Variants in RBFOX1 observed in about 807,000 individuals in gnomAD.
The protein encoded by RBFOX1 is RNA binding fox-1 homolog 1, also known as RNA binding protein fox-1 homolog 1.
RBFOX1 carries 8 observed loss-of-function variants against 57.7 expected under a neutral mutation model. The observed-to-expected ratio is 0.14, with a 90% confidence interval of 0.08 to 0.25. RBFOX1 has a LOEUF of 0.25. RBFOX1 is among the 10% of genes least tolerant of loss of function. The probability of loss-of-function intolerance (pLI) is 1.00; values close to 1 mark genes in which losing one functional copy is unlikely to be tolerated. For synonymous variants in RBFOX1, 326 were observed against 222.4 expected, an observed-to-expected ratio of 1.47 and a Z score of -4.15; for missense variants, 611 against 548.5, an observed-to-expected ratio of 1.11 and a Z score of -1.14.
intron 5 of RBFOX1, among the ~76,000 whole-genome samples, chr16:7,537,218 G>A (rs2081685116): frequency 6.6e-6 from 1 of 152,244 alleles, no homozygotes; most frequent in Non-Finnish European, 1.5e-5. Flanking sequence ...GATGAGAGAT[G>A]TTGATAGGAA....
rs367626244 is a variant in RBFOX1, at chr16:7,419,925, C to CTTTTTTTTTTTTTTTTTT, written c.28-98220_28-98203dup. On this transcript the variant is annotated intron_variant, in intron 4 of 15. Transcript: ENST00000550418. The stretch of plus-strand genomic sequence containing the variant: ...AAGGATCTGTTTTCTTTCTTTCTTC[C>CTTTTTTTTTTTTTTTTTT]TTTTTTTTTTTTTTTTTTTAATTGT... Among the ~76,000 whole-genome samples the CTTTTTTTTTTTTTTTTTT allele has an allele frequency of 2.9e-5, 3 of 101,722 alleles. 1 individual carries two copies. Among genetic ancestry groups the CTTTTTTTTTTTTTTTTTT allele is most frequent in the Non-Finnish European group, 3.8e-5 (2 of 52,780 alleles). The allele number at this position is 101,722 out of a possible 152,430, so 66.7% of individuals were successfully genotyped here. A position where few individuals can be genotyped will look rare whatever the true frequency, so the allele number is the denominator to read the frequency against.
intron 4 of RBFOX1, among the ~76,000 whole-genome samples, chr16:7,107,491 G>A (rs1307241220): frequency 6.6e-6 from 1 of 152,058 alleles, no homozygotes; most frequent in African/African-American, 2.4e-5. Context: ...ATTGAGGAAG[G>A]ATTAACTGTA....
intron 4 of RBFOX1, among the ~76,000 whole-genome samples, chr16:7,214,095 C>T (rs2091625256): frequency 6.7e-6 from 1 of 148,636 alleles, no homozygotes; most frequent in Admixed American, 6.7e-5. Flanking sequence ...AAAATTTTTC[C>T]ACTTCTTTCC....
intron 3 of RBFOX1, among the ~76,000 whole-genome samples, chr16:6,738,077 C>A (rs566965263): frequency 1.7e-5 from 2 of 114,802 alleles, no homozygotes. Flanking sequence ...TGCGGTAATT[C>A]TTAAAAAAAA....
intron 3 of RBFOX1, among the ~76,000 whole-genome samples, chr16:6,925,187 G>A (rs1446107780): frequency 8.7e-6 from 1 of 115,476 alleles, no homozygotes; most frequent in Admixed American, 1.2e-4. Flanking sequence ...AGACTGGAGT[G>A]CAGTGGTATG....
At chr16:7,056,771 C>G (rs1222511546) in intron 4 of RBFOX1, among the ~76,000 whole-genome samples, 9 of 152,090 alleles carry the variant, frequency 5.9e-5, no homozygotes, top group Admixed American at 5.2e-4. Flanking sequence ...AGTTAGAAAA[C>G]TACTAGGTAG....
At chr16:7,418,319 C>A (rs979599726) in intron 4 of RBFOX1, among the ~76,000 whole-genome samples, 6 of 152,218 alleles carry the variant, frequency 3.9e-5, no homozygotes, top group African/African-American at 1.4e-4. Flanking sequence ...GAGTGGGGGA[C>A]TTCATGCCCA....
At chr16:6,863,017 T>G (rs2059290629) in intron 3 of RBFOX1, among the ~76,000 whole-genome samples, 1 of 151,602 alleles carries the variant, frequency 6.6e-6, no homozygotes, top group East Asian at 1.9e-4. Context: ...CCGCAGCTGA[T>G]TTTTGAAGGA....
chr16:7,005,483 G>A (rs1053202062), intron 3 of RBFOX1, among the ~76,000 whole-genome samples: 2 of 152,180 alleles, frequency 1.3e-5, no homozygotes, highest in Non-Finnish European at 1.5e-5. Flanking sequence ...TGGGGAGAAG[G>A]AACCCAGTAA....
chr16:5,425,579 C>T (rs2067534652), intron 1 of RBFOX1, among the ~76,000 whole-genome samples: 1 of 152,298 alleles, frequency 6.6e-6, no homozygotes, highest in Non-Finnish European at 1.5e-5. Context: ...CCCCTCCTTT[C>T]TTGTGGATTC....
chr16:7,461,402 G>C (rs973648374), intron 4 of RBFOX1, among the ~76,000 whole-genome samples: 2 of 152,094 alleles, frequency 1.3e-5, no homozygotes, highest in African/African-American at 4.8e-5. Context: ...TGTTGACCTC[G>C]TGATCCGCTC....
intron 1 of RBFOX1, among the ~76,000 whole-genome samples, chr16:6,042,655 G>C (rs986767971): frequency 1.3e-5 from 2 of 152,160 alleles, no homozygotes; most frequent in African/African-American, 4.8e-5. Context: ...ACCATGGCCT[G>C]GGAAACAGTC....
intron 1 of RBFOX1, among the ~76,000 whole-genome samples, chr16:6,024,871 A>C (rs1346139205): frequency 6.6e-6 from 1 of 152,218 alleles, no homozygotes; most frequent in African/African-American, 2.4e-5. Flanking sequence ...TCAAGTGCAG[A>C]GTGATCAATA....
intron 2 of RBFOX1, among the ~76,000 whole-genome samples, chr16:5,528,063 C>T (rs1464456366): frequency 6.6e-6 from 1 of 152,154 alleles, no homozygotes; most frequent in Non-Finnish European, 1.5e-5. Flanking sequence ...CACCTATTTA[C>T]TGCATGGATT....
intron 3 of RBFOX1, among the ~76,000 whole-genome samples, chr16:6,665,541 C>G (rs185196886): frequency 6.6e-6 from 1 of 151,734 alleles, no homozygotes; most frequent in East Asian, 1.9e-4. Context: ...AGGAGAATCA[C>G]TTAAACCTGG....
At chr16:5,661,500 C>T (rs905955917) in intron 3 of RBFOX1, among the ~76,000 whole-genome samples, 1 of 152,098 alleles carries the variant, frequency 6.6e-6, no homozygotes, top group Non-Finnish European at 1.5e-5. Context: ...CCAGATTTTC[C>T]CAGTTGTCTC....
At chr16:5,446,850 G>C (rs1476335144) in intron 1 of RBFOX1, among the ~76,000 whole-genome samples, 1 of 152,078 alleles carries the variant, frequency 6.6e-6, no homozygotes, top group Non-Finnish European at 1.5e-5. Context: ...ATGTGGTCTT[G>C]GGTACCACAA....
At chr16:6,857,182 C>T (rs959509715) in intron 3 of RBFOX1, among the ~76,000 whole-genome samples, 1 of 152,134 alleles carries the variant, frequency 6.6e-6, no homozygotes, top group Non-Finnish European at 1.5e-5. Context: ...TTTCAGGTTC[C>T]TGCTGATTTG....
chr16:6,671,975 A>G (rs1415665111), intron 3 of RBFOX1, among the ~76,000 whole-genome samples: 2 of 152,238 alleles, frequency 1.3e-5, no homozygotes, highest in African/African-American at 4.8e-5. Context: ...ACAATATCGA[A>G]CAGCTGATTT....
Sources: allele counts gnomAD v4.1 joint callset (sites outside exome capture counted in the v4.1 genomes callset), GRCh38; gene constraint gnomAD v4.1.1; transcripts MANE v1.5; gene names NCBI Gene and HGNC (gene_info 2026-07-23, HGNC 2026-07-21).